THRB: variants seen among roughly 807,000 people sequenced by gnomAD.
THRB encodes the protein nuclear receptor subfamily 1 group A member 2.
THRB carries 12 observed loss-of-function variants against 47.8 expected under a neutral mutation model. The observed-to-expected ratio is 0.25, with a 90% CI of 0.16 to 0.41. The LOEUF is 0.41. THRB is among the 10% of genes least tolerant of loss of function. THRB has a pLI of 1.00. For synonymous variants in THRB, 218 were observed against 212.2 expected, an observed-to-expected ratio of 1.03 and a Z score of -0.24; for missense variants, 348 against 589.2, an observed-to-expected ratio of 0.59 and a Z score of 4.24.
intron 1 of THRB, among the ~76,000 whole-genome samples, chr3:24,405,669 C>T (rs535661420): frequency 6.6e-6 from 1 of 151,480 alleles, no homozygotes; most frequent in African/African-American, 2.4e-5. Context: ...TATAATTATT[C>T]TTAACCTTTT....
At chr3:24,189,649 TAA>T (rs2043080387) in intron 5 of THRB, among the ~76,000 whole-genome samples, 1 of 152,172 alleles carries the variant, frequency 6.6e-6, no homozygotes, top group Admixed American at 6.5e-5. Context: ...TTGTCTAGGT[TAA>T]AGGTAGGCAT....
chr3:24,251,872 G>C (rs532326690), intron 3 of THRB, among the ~76,000 whole-genome samples: 1 of 152,088 alleles, frequency 6.6e-6, no homozygotes, highest in East Asian at 1.9e-4. Flanking sequence ...AAAGAAATTT[G>C]CCCAGATGAC....
At chr3:24,380,071 G>A (rs181306950) in intron 1 of THRB, among the ~76,000 whole-genome samples, 7 of 149,618 alleles carry the variant, frequency 4.7e-5, no homozygotes, top group Non-Finnish European at 8.9e-5. Context: ...ATTTTACTAT[G>A]AGCAGCATTA....
At chr3:24,142,228 C>T (rs2035542803) in intron 8 of THRB, among the ~76,000 whole-genome samples, 3 of 152,176 alleles carry the variant, frequency 2.0e-5, no homozygotes, top group Admixed American at 2.0e-4. Flanking sequence ...GAGATATTAA[C>T]CACATCTACC....
chr3:24,161,570 T>C (rs1165653856), intron 5 of THRB, among the ~76,000 whole-genome samples: 5 of 150,462 alleles, frequency 3.3e-5, no homozygotes, highest in Non-Finnish European at 7.4e-5. Flanking sequence ...TTAATTTTCA[T>C]TTCAAATGCC....
At chr3:24,305,531 AT>A (rs1035020907) in intron 2 of THRB, among the ~76,000 whole-genome samples, 1 of 152,196 alleles carries the variant, frequency 6.6e-6, no homozygotes, top group African/African-American at 2.4e-5. Flanking sequence ...ATAAGTGGTA[AT>A]TGATCCAAAA....
chr3:24,251,800 C>T (rs764227547), intron 3 of THRB, among the ~76,000 whole-genome samples: 40 of 151,908 alleles, frequency 2.6e-4, no homozygotes, highest in South Asian at 6.2e-4. Context: ...AATAAACTTC[C>T]TCAATTACTT....
intron 1 of THRB, among the ~76,000 whole-genome samples, chr3:24,480,019 T>C (rs1696126274): frequency 6.6e-6 from 1 of 152,190 alleles, no homozygotes; most frequent in Non-Finnish European, 1.5e-5. Flanking sequence ...CATTCCATGC[T>C]GTATAAGAGT....
intron 5 of THRB, among the ~76,000 whole-genome samples, chr3:24,153,351 T>C (rs1252259993): frequency 1.3e-5 from 2 of 152,190 alleles, no homozygotes; most frequent in South Asian, 2.1e-4. Context: ...TCCAGTGTAA[T>C]ATGCTGGTCT....
chr3:24,339,886 G>A (rs2062514311), intron 1 of THRB, among the ~76,000 whole-genome samples: 1 of 152,222 alleles, frequency 6.6e-6, no homozygotes, highest in South Asian at 2.1e-4. Context: ...AGCTCAGAAT[G>A]TGTGTTCTTT....
At chr3:24,477,048 C>T (rs1695573801) in intron 1 of THRB, among the ~76,000 whole-genome samples, 1 of 143,092 alleles carries the variant, frequency 7.0e-6, no homozygotes, top group South Asian at 2.2e-4. Flanking sequence ...GTCAGAATTC[C>T]ATTTTGCAAT....
chr3:24,343,336 T>C (rs1363186255), intron 1 of THRB, among the ~76,000 whole-genome samples: 1 of 152,122 alleles, frequency 6.6e-6, no homozygotes, highest in Non-Finnish European at 1.5e-5. Context: ...CTAGAAAGCT[T>C]CTATCATAAT....
intron 1 of THRB, among the ~76,000 whole-genome samples, chr3:24,384,117 A>T (rs2065907500): frequency 6.6e-6 from 1 of 152,124 alleles, no homozygotes; most frequent in South Asian, 2.1e-4. Context: ...ACCTTTATAC[A>T]TGGCTACTGT....
At chr3:24,254,668 CTCT>C (rs971637161) in intron 3 of THRB, among the ~76,000 whole-genome samples, 112 of 152,204 alleles carry the variant, frequency 7.4e-4, no homozygotes, top group African/African-American at 2.6e-3. Flanking sequence ...AGGGTTTTTC[CTCT>C]TCTTCTTCTG....
intron 1 of THRB, among the ~76,000 whole-genome samples, chr3:24,393,305 T>C (rs143889428): frequency 1.8e-4 from 28 of 152,294 alleles, no homozygotes; most frequent in Non-Finnish European, 3.5e-4. Flanking sequence ...CAAAGAACCA[T>C]GCCAGATCCC....
chr3:24,287,229 C>G (rs995377085), intron 3 of THRB, among the ~76,000 whole-genome samples: 13 of 152,036 alleles, frequency 8.6e-5, no homozygotes, highest in African/African-American at 3.1e-4. Flanking sequence ...TCAGCTTTAC[C>G]CACTCTCCTT....
chr3:24,483,943 G>T (rs973638493), intron 1 of THRB: 2 of 152,172 alleles, frequency 1.3e-5, no homozygotes, highest in African/African-American at 4.8e-5. Flanking sequence ...TGAGCAAAGT[G>T]ATTATGTGTT....
chr3:24,450,266 G>T (rs1310204350), intron 1 of THRB, among the ~76,000 whole-genome samples: 1 of 152,090 alleles, frequency 6.6e-6, no homozygotes, highest in African/African-American at 2.4e-5. Context: ...GGGAAATAAG[G>T]ACTACACACT....
intron 1 of THRB, among the ~76,000 whole-genome samples, chr3:24,463,190 G>T: frequency 6.6e-6 from 1 of 152,188 alleles, no homozygotes; most frequent in East Asian, 1.9e-4. Flanking sequence ...ATGTAACTTT[G>T]TTACTAGAAA....
Sources: allele counts gnomAD v4.1 joint callset (sites outside exome capture counted in the v4.1 genomes callset), GRCh38; gene constraint gnomAD v4.1.1; transcripts MANE v1.5; gene names NCBI Gene and HGNC (gene_info 2026-07-23, HGNC 2026-07-21).